Variants in PCCA observed in about 807,000 individuals in gnomAD.
PCCA encodes propionyl-CoA carboxylase subunit alpha, also known as propionyl-CoA carboxylase alpha chain, mitochondrial.
A neutral mutation model predicts 101.3 loss-of-function variants in PCCA; 74 were observed. The ratio of observed to expected loss-of-function variants is 0.73; its 90% CI spans 0.61 to 0.89. The LOEUF (loss-of-function observed/expected upper bound fraction) is 0.89. Ranked by LOEUF, PCCA falls within the 40% of genes least tolerant of loss-of-function variation. The pLI is 0.00. For missense variants in PCCA, 891 were observed against 907.0 expected, an observed-to-expected ratio of 0.98 and a Z score of 0.23; for synonymous variants, 294 against 313.6, an observed-to-expected ratio of 0.94 and a Z score of 0.66.
chr13:100,245,921 G>A (rs750087610), intron 8 of PCCA, among the ~76,000 whole-genome samples: 36 of 152,208 alleles, frequency 2.4e-4, no homozygotes, highest in Non-Finnish European at 4.7e-4. Flanking sequence ...ACCTGAGGGG[G>A]AATGAAGGAA....
chr13:100,111,786 A>T, intron 2 of PCCA, 55 bp from the exon 3 acceptor site: 1 of 1,310,446 alleles, frequency 7.6e-7, no homozygotes, highest in Non-Finnish European at 1.1e-6. Context: ...TTTTGGTCTT[A>T]AACCATCGGT....
chr13:100,361,895 C>T (rs2074645573), intron 18 of PCCA, among the ~76,000 whole-genome samples: 1 of 152,136 alleles, frequency 6.6e-6, no homozygotes, highest in South Asian at 2.1e-4. Context: ...TTTTACCCCC[C>T]AAGAAATGAA....
intron 6 of PCCA, among the ~76,000 whole-genome samples, chr13:100,178,931 G>T (rs2056502373): frequency 6.6e-6 from 1 of 151,668 alleles, no homozygotes; most frequent in African/African-American, 2.4e-5. Context: ...CAAAATATTA[G>T]CTGGGCGTGG....
At chr13:100,244,495 T>G (rs1369796347) in intron 8 of PCCA, among the ~76,000 whole-genome samples, 1 of 152,240 alleles carries the variant, frequency 6.6e-6, no homozygotes, top group East Asian at 1.9e-4. Flanking sequence ...TTCTCTTGTT[T>G]TATTGTTAGT....
chr13:100,524,364 CAATT>C (rs1489440317), intron 22 of PCCA, among the ~76,000 whole-genome samples: 1 of 104,132 alleles, frequency 9.6e-6, no homozygotes, highest in Admixed American at 1.1e-4. Context: ...TGTTGAAATT[CAATT>C]AAGCTCGTGT....
chr13:100,265,639 G>A (rs2152568660), intron 10 of PCCA, among the ~76,000 whole-genome samples: 1 of 152,166 alleles, frequency 6.6e-6, no homozygotes, highest in Non-Finnish European at 1.5e-5. Context: ...ATTTGTATTT[G>A]GGTCGTATTG....
chr13:100,214,650 T>A (rs2059414776), intron 7 of PCCA, among the ~76,000 whole-genome samples: 1 of 152,064 alleles, frequency 6.6e-6, no homozygotes, highest in South Asian at 2.1e-4. Context: ...ATGGTCTTGA[T>A]CTCCTGACCT....
intron 6 of PCCA, among the ~76,000 whole-genome samples, chr13:100,187,068 G>A (rs1436328867): frequency 6.6e-6 from 1 of 152,290 alleles, no homozygotes; most frequent in East Asian, 1.9e-4. Context: ...GAATTATGCT[G>A]TAGAAAAGTC....
intron 21 of PCCA, among the ~76,000 whole-genome samples, chr13:100,499,779 T>C (rs1357859696): frequency 6.6e-6 from 1 of 152,248 alleles, no homozygotes; most frequent in African/African-American, 2.4e-5. Flanking sequence ...ATATTTGACA[T>C]TTTAAAAAGG....
chr13:100,199,138 A>G (rs1302199414), intron 6 of PCCA, among the ~76,000 whole-genome samples: 10 of 152,110 alleles, frequency 6.6e-5, no homozygotes, highest in Non-Finnish European at 1.2e-4. Flanking sequence ...GGCTTAATGA[A>G]CTATTATAGG....
At chr13:100,142,558 C>G (rs2152347309) in intron 4 of PCCA, among the ~76,000 whole-genome samples, 1 of 151,258 alleles carries the variant, frequency 6.6e-6, no homozygotes, top group Non-Finnish European at 1.5e-5. Flanking sequence ...CATGCAACCT[C>G]CGCCTCCTGG....
At chr13:100,248,996 T>G (rs1300774934) in intron 8 of PCCA, among the ~76,000 whole-genome samples, 1 of 152,026 alleles carries the variant, frequency 6.6e-6, no homozygotes, top group Non-Finnish European at 1.5e-5. Flanking sequence ...TCAGGTGATC[T>G]GCCCACCTCG....
chr13:100,460,175 G>A (rs2082075771), intron 21 of PCCA, among the ~76,000 whole-genome samples: 1 of 152,246 alleles, frequency 6.6e-6, no homozygotes, highest in Non-Finnish European at 1.5e-5. Context: ...TGGTGAAGCT[G>A]TGAGTCTGTG....
In PCCA at chr13:100,376,293, G is replaced by A. The variant is rs571033646; in HGVS notation, c.1746+7719G>A. 3.3e-5 allele frequency among the ~76,000 whole-genome samples: 5 copies of A among 152,210 alleles called. No individual in the cohort carries two copies. The South Asian group carries it at 8.3e-4, about 25-fold the overall frequency. ...GTGTGATGTGTCTGTCAATCCCTGC[G>A]GGGGGGTGTCTCCCAGTCAGGAGGC... On this transcript the variant is annotated intron_variant, in intron 19 of 23. Transcript: ENST00000376285.
rs1192444349 is a variant in PCCA at position 100,301,563 on chromosome 13, G to A, written c.1169G>A (p.Arg390His). Residue 390 changes from arginine (R) to histidine (H), a missense_variant, in exon 13 of 24, where the codon CGC becomes CAC. Physicochemically the swap from Arg to His is conservative, Grantham distance 29. Coordinates refer to ENST00000376285, the MANE Select transcript of PCCA (RefSeq NM_000282.4). Reference protein sequence around the residue: ...YPLRHKQADIRINGWAVECRV... With the variant: ...YPLRHKQADIHINGWAVECRV... The stretch of plus-strand genomic sequence containing the variant: ...CTCAGGCACAAACAAGCTGATATTC[G>A]CATCAACGGCTGGGCAGTTGAATGT... The A allele has an allele frequency of 8.7e-6, 14 of 1,613,914 alleles. No homozygotes were observed. The Middle Eastern group carries it at 6.6e-4, about 76-fold the overall frequency.
At chr13:100,217,760 C>T (rs2059599054) in intron 7 of PCCA, among the ~76,000 whole-genome samples, 1 of 147,300 alleles carries the variant, frequency 6.8e-6, no homozygotes, top group Middle Eastern at 3.4e-3. Context: ...GAGGCTGAGG[C>T]AGGAGAATCG....
At chr13:100,469,826 G>A (rs906037287) in intron 21 of PCCA, among the ~76,000 whole-genome samples, 1 of 152,058 alleles carries the variant, frequency 6.6e-6, no homozygotes, top group Admixed American at 6.6e-5. Flanking sequence ...GTTTGATGGC[G>A]TGTGAGTTTA....
intron 18 of PCCA, among the ~76,000 whole-genome samples, chr13:100,354,613 T>A (rs1290553957): frequency 6.6e-6 from 1 of 152,050 alleles, no homozygotes; most frequent in African/African-American, 2.4e-5. Context: ...GTAGATAGGC[T>A]GACCAAAAGA....
chr13:100,161,387 A>C (rs924679149), intron 6 of PCCA: 2 of 152,250 alleles, frequency 1.3e-5, no homozygotes, highest in African/African-American at 2.4e-5. Flanking sequence ...GAAAATGTTC[A>C]TGGTAAGGTG....
Sources: gnomAD v4.1 joint callset for allele counts (sites outside exome capture counted in the v4.1 genomes callset) on GRCh38, gnomAD v4.1.1 for gene constraint, MANE v1.5 for transcripts, NCBI Gene and HGNC (gene_info 2026-07-23, HGNC 2026-07-21) for gene names.